PIK3C2G: variants seen among roughly 807,000 people sequenced by gnomAD.
PIK3C2G encodes the protein phosphatidylinositol-4-phosphate 3-kinase catalytic subunit type 2 gamma.
In PIK3C2G, 168 loss-of-function variants were observed where a neutral mutation model predicts 181.1. That is an observed-to-expected ratio of 0.93 (90% CI 0.82 to 1.05). The LOEUF is 1.05. Ranked by LOEUF, PIK3C2G falls within the 50% of genes least tolerant of loss-of-function variation. The pLI is 0.00. For synonymous variants in PIK3C2G, 573 were observed against 592.2 expected, an observed-to-expected ratio of 0.97 and a Z score of 0.47; for missense variants, 1,869 against 1,732.8, an observed-to-expected ratio of 1.08 and a Z score of -1.40.
intron 31 of PIK3C2G, among the ~76,000 whole-genome samples, chr12:18,609,918 G>C (rs1274354459): frequency 6.6e-6 from 1 of 152,034 alleles, no homozygotes; most frequent in Non-Finnish European, 1.5e-5. Flanking sequence ...TTAGCTGGAG[G>C]ATTGAAGGGT....
intron 29 of PIK3C2G, among the ~76,000 whole-genome samples, chr12:18,584,097 C>A (rs543455418): frequency 6.6e-6 from 1 of 151,078 alleles, no homozygotes; most frequent in Non-Finnish European, 1.5e-5. Flanking sequence ...GGCGTGATCT[C>A]GGCTCACCAC....
intron 8 of PIK3C2G, among the ~76,000 whole-genome samples, chr12:18,337,251 A>C (rs919100516): frequency 1.3e-5 from 2 of 152,274 alleles, no homozygotes; most frequent in Admixed American, 1.3e-4. Flanking sequence ...GAAAAGAATA[A>C]GGTCAAAACA....
At chr12:18,471,322 C>G (rs1035260271) in intron 18 of PIK3C2G, among the ~76,000 whole-genome samples, 1 of 152,082 alleles carries the variant, frequency 6.6e-6, no homozygotes. Context: ...AATTCAACAT[C>G]TCCTCTCTAC....
At chr12:18,624,436 T>C (rs1949001860) in intron 31 of PIK3C2G, among the ~76,000 whole-genome samples, 1 of 151,784 alleles carries the variant, frequency 6.6e-6, no homozygotes, top group Admixed American at 6.6e-5. Flanking sequence ...GATTTGCTAG[T>C]ATTTTGTTGA....
At chr12:18,515,397 T>C (rs138918526) in intron 24 of PIK3C2G, among the ~76,000 whole-genome samples, 74 of 152,110 alleles carry the variant, frequency 4.9e-4, no homozygotes, top group African/African-American at 1.7e-3. Context: ...TTCTGTCTTG[T>C]TACACATGAT....
chr12:18,548,860 A>G (rs1239972322), intron 26 of PIK3C2G, among the ~76,000 whole-genome samples: 1 of 151,986 alleles, frequency 6.6e-6, no homozygotes, highest in East Asian at 1.9e-4. Context: ...CTAGGACCTT[A>G]TAATCTGATT....
the PIK3C2G span, among the ~76,000 whole-genome samples, chr12:18,702,789 C>G: frequency 3.3e-5 from 5 of 149,988 alleles, no homozygotes; most frequent in Non-Finnish European, 5.9e-5. Flanking sequence ...CTTTTACACA[C>G]AAGGACTGAA....
At chr12:18,276,236 T>C (rs993974221) in intron 1 of PIK3C2G, among the ~76,000 whole-genome samples, 1 of 152,204 alleles carries the variant, frequency 6.6e-6, no homozygotes, top group Non-Finnish European at 1.5e-5. Flanking sequence ...ATTCAGTCTG[T>C]GGGTTTCCTT....
At chr12:18,620,015 C>T (rs1948778408) in intron 31 of PIK3C2G, among the ~76,000 whole-genome samples, 1 of 152,170 alleles carries the variant, frequency 6.6e-6, no homozygotes, top group Middle Eastern at 3.4e-3. Flanking sequence ...TGAGCCACCG[C>T]GTCCAGCCCC....
At chr12:18,275,974 C>T (rs1948968789) in intron 1 of PIK3C2G, among the ~76,000 whole-genome samples, 1 of 152,026 alleles carries the variant, frequency 6.6e-6, no homozygotes, top group South Asian at 2.1e-4. Context: ...TTTTCCAGTC[C>T]TCTAATTCAT....
At chr12:18,362,125 G>A (rs977455408) in intron 11 of PIK3C2G, among the ~76,000 whole-genome samples, 1 of 152,028 alleles carries the variant, frequency 6.6e-6, no homozygotes, top group Non-Finnish European at 1.5e-5. Context: ...CCTACCCAAG[G>A]AGAAGCCATA....
chr12:18,432,559 T>C (rs1946220939), intron 18 of PIK3C2G, among the ~76,000 whole-genome samples: 1 of 152,224 alleles, frequency 6.6e-6, no homozygotes, highest in African/African-American at 2.4e-5. Context: ...AGCAGTATTA[T>C]AGTGTTTAAT....
chr12:18,641,104 C>T (rs755686354), intron 32 of PIK3C2G, among the ~76,000 whole-genome samples: 1 of 152,126 alleles, frequency 6.6e-6, no homozygotes, highest in African/African-American at 2.4e-5. Flanking sequence ...GCACCTTGCT[C>T]AGCTGCTTAT....
intron 31 of PIK3C2G, among the ~76,000 whole-genome samples, chr12:18,618,530 T>A (rs1948705762): frequency 6.6e-6 from 1 of 151,974 alleles, no homozygotes; most frequent in African/African-American, 2.4e-5. Flanking sequence ...CAGCACAGAG[T>A]TTCCACAACA....
intron 21 of PIK3C2G, 92 bp from the exon 22 acceptor site, chr12:18,497,527 T>C (rs1941112372): frequency 2.2e-6 from 2 of 914,978 alleles, no homozygotes; most frequent in African/African-American, 1.7e-5. Flanking sequence ...TAGAAATGTA[T>C]CCAAGGAGAA....
chr12:18,718,248 A>G, the PIK3C2G span, among the ~76,000 whole-genome samples: 7,083 of 152,164 alleles, frequency 0.047, 390 homozygotes, highest in African/African-American at 0.13. Context: ...ACTACTTGTC[A>G]TCTCAGCTGC....
chr12:18,716,537 G>T, the PIK3C2G span, among the ~76,000 whole-genome samples: 1 of 152,170 alleles, frequency 6.6e-6, no homozygotes, highest in Non-Finnish European at 1.5e-5. Flanking sequence ...TGGAAACAGA[G>T]AAAATTTCTC....
At chr12:18,626,668 A>AT (rs778292419) in intron 31 of PIK3C2G, among the ~76,000 whole-genome samples, 11 of 152,050 alleles carry the variant, frequency 7.2e-5, no homozygotes, top group East Asian at 1.9e-4. Flanking sequence ...TGAAAGACAG[A>AT]TTTTCTGGGT....
intron 29 of PIK3C2G, among the ~76,000 whole-genome samples, chr12:18,587,515 T>C (rs180976158): frequency 9.2e-5 from 14 of 152,178 alleles, no homozygotes; most frequent in Admixed American, 5.9e-4. Flanking sequence ...GAATGATCTC[T>C]ACAATGAGAA....
Sources: gnomAD v4.1 joint callset for allele counts (sites outside exome capture counted in the v4.1 genomes callset) on GRCh38, gnomAD v4.1.1 for gene constraint, MANE v1.5 for transcripts, NCBI Gene and HGNC (gene_info 2026-07-23, HGNC 2026-07-21) for gene names.